Variants in IFNAR2 observed in about 807,000 individuals in gnomAD.
IFNAR2 encodes the protein interferon alpha/beta receptor 2.
A neutral mutation model predicts 49.4 loss-of-function variants in IFNAR2; 30 were observed. The ratio of observed to expected loss-of-function variants is 0.61; its 90% CI spans 0.45 to 0.82. The LOEUF is 0.82. Among genes scored for constraint, IFNAR2 ranks in the 40% least tolerant of loss-of-function variants. The pLI, the probability that IFNAR2 is intolerant of heterozygous loss-of-function variation, is 0.00. For missense variants in IFNAR2, 600 were observed against 622.7 expected, an observed-to-expected ratio of 0.96 and a Z score of 0.39; for synonymous variants, 224 against 234.5, an observed-to-expected ratio of 0.96 and a Z score of 0.41.
intron 7 of IFNAR2, among the ~76,000 whole-genome samples, chr21:33,254,826 T>G (rs1237760160): frequency 6.6e-6 from 1 of 152,244 alleles, no homozygotes; most frequent in Non-Finnish European, 1.5e-5. Context: ...AGCTGCACCC[T>G]GACCAAGGGT....
At chr21:33,260,573 A>G in intron 7 of IFNAR2, 24 bp from the exon 8 acceptor site, 1 of 1,576,538 alleles carries the variant, frequency 6.3e-7, no homozygotes, top group African/African-American at 1.4e-5. Context: ...TTTGAAATAA[A>G]GTCATTTAAT....
intron 7 of IFNAR2, among the ~76,000 whole-genome samples, chr21:33,253,975 T>G (rs1934447564): frequency 6.6e-6 from 1 of 152,196 alleles, no homozygotes; most frequent in Admixed American, 6.5e-5. Context: ...TGCAGCCCAG[T>G]AGGTCCCAGC....
intron 7 of IFNAR2, among the ~76,000 whole-genome samples, chr21:33,260,126 C>T (rs1988464621): frequency 6.6e-6 from 1 of 152,176 alleles, no homozygotes; most frequent in African/African-American, 2.4e-5. Flanking sequence ...TCTGCAGAGC[C>T]CTGACTTGTG....
Position 33,245,094 on chromosome 21 carries a change from T to G in IFNAR2, c.221+20T>G, listed in dbSNP as rs750467373. On this transcript the variant is annotated intron_variant, in intron 4 of 8. Coordinates refer to ENST00000342136, the MANE Select transcript of IFNAR2 (RefSeq NM_001289125.3). ...CATGAGGTTGGTTTGATATTTCATT[T>G]TCTCTTGGTAAACATATTATTGTTC... is the stretch of plus-strand genomic sequence containing the variant. The G allele has an allele frequency of 4.5e-6, 7 of 1,564,522 alleles. No homozygotes were observed. The highest frequency in any genetic ancestry group is 4.4e-5 in the South Asian group (4 of 90,000).
chr21:33,259,767 AGT>A (rs1443375903), intron 7 of IFNAR2, among the ~76,000 whole-genome samples: 1 of 152,208 alleles, frequency 6.6e-6, no homozygotes, highest in East Asian at 1.9e-4. Flanking sequence ...TGGAGGTGAG[AGT>A]GGATTCTTGA....
intron 2 of IFNAR2, 128 bp downstream of exon 2, chr21:33,242,105 C>G (rs1256565233): frequency 1.3e-6 from 1 of 755,780 alleles, no homozygotes; most frequent in Admixed American, 2.7e-5. Context: ...TGCCTAGTGT[C>G]AGGAGTTAAG....
intron 8 of IFNAR2, 65 bp downstream of exon 8, chr21:33,260,792 T>C (rs1438643608): frequency 9.8e-7 from 1 of 1,015,712 alleles, no homozygotes; most frequent in Non-Finnish European, 1.4e-6. Context: ...CTTAAGAATT[T>C]GTATTTATAT....
intron 8 of IFNAR2, chr21:33,262,507 A>G: frequency 1.5e-6 from 1 of 681,530 alleles, no homozygotes; most frequent in Non-Finnish European, 2.7e-6. Flanking sequence ...TGCTGTCATC[A>G]TCATCAACTG....
chr21:33,250,202 G>A (rs1987741343), intron 6 of IFNAR2, among the ~76,000 whole-genome samples: 1 of 152,188 alleles, frequency 6.6e-6, no homozygotes, highest in Non-Finnish European at 1.5e-5. Flanking sequence ...AAAAATGGGT[G>A]AAAAATAAGT....
At chr21:33,249,964 G>T (rs145388591) in intron 6 of IFNAR2, among the ~76,000 whole-genome samples, 1 of 152,068 alleles carries the variant, frequency 6.6e-6, no homozygotes, top group Admixed American at 6.6e-5. Context: ...GAGTTTGTGG[G>T]TCTGGGTCTT....
intron 4 of IFNAR2, among the ~76,000 whole-genome samples, chr21:33,246,163 C>T (rs945193544): frequency 2.6e-5 from 4 of 152,012 alleles, no homozygotes; most frequent in Admixed American, 1.3e-4. Context: ...CTCCACCTCC[C>T]GGGTTCACGC....
In IFNAR2 at chr21:33,248,669, C is replaced by T. The variant is rs756304071; in HGVS notation, c.395-40C>T. 49 of 1,560,142 alleles carry T rather than the reference C, an allele frequency of 3.1e-5. 1 individual carries two copies. In the South Asian group the frequency reaches 5.8e-4, roughly 18 times the overall value. On this transcript the variant is annotated intron_variant, in intron 5 of 8. Transcript: ENST00000342136. ...TTAGACTTTGTGGGCCACATATGGTCTCTGTGACATATTCCTGTCTGTTTT... is the reference window on the plus strand; with the variant it reads ...TTAGACTTTGTGGGCCACATATGGTTTCTGTGACATATTCCTGTCTGTTTT...
intron 8 of IFNAR2, among the ~76,000 whole-genome samples, 161 bp downstream of exon 8, chr21:33,260,888 A>G (rs1988522183): frequency 6.6e-6 from 1 of 151,958 alleles, no homozygotes; most frequent in Non-Finnish European, 1.5e-5. Context: ...CTATAAATGT[A>G]TATTTTGCAG....
At chr21:33,233,037 C>A in intron 1 of IFNAR2, 1 of 548,208 alleles carries the variant, frequency 1.8e-6, no homozygotes, top group South Asian at 8.0e-5. Context: ...TTACACTGTG[C>A]AACAACTTGA....
Position 33,263,287 on chromosome 21 carries a change from C to T in IFNAR2, c.1335C>T (p.Ala445=). 6.2e-7 allele frequency: 1 copy of T among 1,614,174 alleles called. No homozygotes were observed. The change falls in exon 9 of 9, where the codon GCC becomes GCT. Residue 445 remains alanine, a synonymous_variant. Transcript: ENST00000342136. ...LDDEDSDDLE[A]PLMLSSHLEE... ...ACGAGGACAGTGACGACTTAGAAGC[C>T]CCTCTGATGCTATCGTCTCATCTGG...
In IFNAR2 at chr21:33,230,077, T is replaced by G. The variant is rs1985919112; in HGVS notation, c.-223T>G. Reference sequence around the variant, plus strand: ...ACCACCACCCGGCCGCACGGGCCGCTTTTGTCCCCCGCCCGCCGCTTCTGT... The same window carrying G: ...ACCACCACCCGGCCGCACGGGCCGCGTTTGTCCCCCGCCCGCCGCTTCTGT... On this transcript the variant is annotated 5_prime_UTR_variant, in exon 1 of 9. Coordinates refer to ENST00000342136, the MANE Select transcript of IFNAR2 (RefSeq NM_001289125.3). The surrounding 1 kb of genome is among the most constrained non-coding windows in gnomAD (Gnocchi z 5.5). The G allele has an allele frequency of 1.0e-6, 1 of 987,662 alleles. No individual in the cohort carries two copies. Among genetic ancestry groups the G allele is most frequent in the Non-Finnish European group, 1.2e-6 (1 of 831,020 alleles). 61.2% of individuals were successfully genotyped at this position (987,662 alleles called of 1,614,324 possible).
chr21:33,238,627 T>G (rs1245667869), intron 1 of IFNAR2, among the ~76,000 whole-genome samples: 1 of 152,048 alleles, frequency 6.6e-6, no homozygotes, highest in Non-Finnish European at 1.5e-5. Flanking sequence ...AAAATACCTT[T>G]AAATCTGAAA....
intron 1 of IFNAR2, among the ~76,000 whole-genome samples, chr21:33,237,082 T>TGTGTGTGTGTGG (rs1986526615): frequency 2.2e-5 from 1 of 45,388 alleles, no homozygotes; most frequent in African/African-American, 5.3e-5. Context: ...GAATGGGGTG[T>TGTGTGTGTGTGG]GTGTGTGTGT....
At chr21:33,238,533 A>C (rs1313922284) in intron 1 of IFNAR2, among the ~76,000 whole-genome samples, 1 of 152,198 alleles carries the variant, frequency 6.6e-6, no homozygotes, top group Non-Finnish European at 1.5e-5. Context: ...GGGGCTCCTT[A>C]AAATTCTTCT....
Sources: gnomAD v4.1 joint callset for allele counts (sites outside exome capture counted in the v4.1 genomes callset) on GRCh38, gnomAD v4.1.1 for gene constraint, Gnocchi (gnomAD v3.1) non-coding constraint, MANE v1.5 for transcripts, NCBI Gene and HGNC (gene_info 2026-07-23, HGNC 2026-07-21) for gene names.